Variants in CARM1 observed in about 807,000 individuals in gnomAD.
The protein encoded by CARM1 is coactivator associated arginine methyltransferase 1.
A neutral mutation model predicts 72.7 loss-of-function variants in CARM1; 14 were observed. The ratio of observed to expected loss-of-function variants is 0.19; its 90% CI spans 0.13 to 0.30. The LOEUF (loss-of-function observed/expected upper bound fraction) is 0.30. Ranked by LOEUF, CARM1 falls within the 10% of genes least tolerant of loss-of-function variation. The pLI is 1.00. For missense variants in CARM1, 432 were observed against 833.7 expected, an observed-to-expected ratio of 0.52 and a Z score of 5.93; for synonymous variants, 333 against 345.5, an observed-to-expected ratio of 0.96 and a Z score of 0.40.
At chr19:10,900,722 C>T (rs187061153) in intron 1 of CARM1, among the ~76,000 whole-genome samples, 173 of 152,158 alleles carry the variant, frequency 1.1e-3, no homozygotes, top group African/African-American at 3.5e-3. Flanking sequence ...CTGGCTCTGT[C>T]GCCCAGGCTG....
At chr19:10,874,278 C>CTTTTTATG (rs1334850254) in intron 1 of CARM1, among the ~76,000 whole-genome samples, 1 of 152,152 alleles carries the variant, frequency 6.6e-6, no homozygotes, top group Admixed American at 6.5e-5. Context: ...GGAGAAAGTC[C>CTTTTTATG]ACATTCCTCA....
At chr19:10,875,016 C>A (rs149277915) in intron 1 of CARM1, among the ~76,000 whole-genome samples, 1 of 150,404 alleles carries the variant, frequency 6.6e-6, no homozygotes, top group African/African-American at 2.4e-5. Flanking sequence ...AGAGCAAGAC[C>A]CTGTCTGAAA....
At chr19:10,902,218 G>C (rs2074071237) in intron 1 of CARM1, among the ~76,000 whole-genome samples, 1 of 151,938 alleles carries the variant, frequency 6.6e-6, no homozygotes, top group African/African-American at 2.4e-5. Flanking sequence ...TGCATTCCAG[G>C]CTGGGTGATG....
chr19:10,892,290 A>G (rs1466724746), intron 1 of CARM1, among the ~76,000 whole-genome samples: 2 of 152,192 alleles, frequency 1.3e-5, no homozygotes, highest in African/African-American at 2.4e-5. Flanking sequence ...GAAGTTTTTG[A>G]TCAGTTGCTC....
At chr19:10,876,841 A>C (rs1281994341) in intron 1 of CARM1, among the ~76,000 whole-genome samples, 1 of 152,126 alleles carries the variant, frequency 6.6e-6, no homozygotes, top group Non-Finnish European at 1.5e-5. Context: ...ACAAACTCTC[A>C]CTTCCCCAGC....
chr19:10,912,788 C>T lies in CARM1; in HGVS notation c.669+494C>T, dbSNP rs143326581. Among the ~76,000 whole-genome samples, 4 of 152,190 alleles carry T rather than the reference C, an allele frequency of 2.6e-5. No homozygotes were observed. The highest frequency in any genetic ancestry group is 4.4e-5 in the Non-Finnish European group (3 of 67,992). On this transcript the variant is annotated intron_variant, in intron 5 of 15. Coordinates refer to ENST00000327064, the MANE Select transcript of CARM1 (RefSeq NM_199141.2). The surrounding 1 kb of genome is among the most constrained non-coding windows in gnomAD (Gnocchi z 4.5). Reference sequence around the variant, plus strand: ...AGGGGCCATCTTTGTTCTGTCTTGCCGCCGCAGAGCACCCCTGTGCCCAGC... The same window carrying T: ...AGGGGCCATCTTTGTTCTGTCTTGCTGCCGCAGAGCACCCCTGTGCCCAGC...
At position 10,912,758 on chromosome 19, in the gene CARM1, C is replaced by T. The variant is rs1529711; in HGVS notation, c.669+464C>T. The stretch of plus-strand genomic sequence containing the variant: ...CCCATGGATCTGGGGTCGCCGGGGT[C>T]GTGGAGGGGCCATCTTTGTTCTGTC... On this transcript the variant is annotated intron_variant, in intron 5 of 15. Transcript: ENST00000327064. The surrounding 1 kb of genome is among the most constrained non-coding windows in gnomAD (Gnocchi z 4.5). Among the ~76,000 whole-genome samples, 18,809 of 152,066 alleles carry T rather than the reference C, an allele frequency of 0.12. 1,308 individuals are homozygous for T. The highest frequency in any genetic ancestry group is 0.15 in the Non-Finnish European group (10,369 of 67,952).
Position 10,920,392 on chromosome 19 carries a change from G to T in CARM1, c.1197-44G>T. 6.3e-7 allele frequency: 1 copy of T among 1,585,556 alleles called. No homozygotes were observed. ...GGCATACAAGGTGGTGGCTCCAGTG[G>T]TGGCGCCGGCCCAGTCAAGTATGTG... On this transcript the variant is annotated intron_variant, in intron 10 of 15. Coordinates refer to ENST00000327064, the MANE Select transcript of CARM1 (RefSeq NM_199141.2). This position sits in a 1 kb window ranked among gnomAD's most constrained non-coding sequence, Gnocchi z 5.3.
Position 10,920,877 on chromosome 19 carries a change from A to C in CARM1, c.1468A>C (p.Thr490Pro). The C allele has an allele frequency of 6.2e-7, 1 of 1,614,188 alleles. No individual in the cohort carries two copies. Among genetic ancestry groups the C allele is most frequent in the Middle Eastern group, 1.6e-4 (1 of 6,062 alleles). Residue 490 changes from threonine to proline, a missense_variant, in exon 13 of 16, where the codon ACA (threonine) becomes CCA (proline). Thr to Pro is a conservative substitution (Grantham distance 38). Coordinates refer to ENST00000327064, the MANE Select transcript of CARM1 (RefSeq NM_199141.2). The surrounding 1 kb of genome is among the most constrained non-coding windows in gnomAD (Gnocchi z 5.3). ...TPSPPPGSHY[T>P]SPSENMWNTG... is the part of the protein sequence containing the mutation. ...CTCACCCCCACCCGGCTCCCACTAC[A>C]CATCTCCCTCGGAAAACATGTGGAA...
intron 8 of CARM1, among the ~76,000 whole-genome samples, chr19:10,918,281 C>T (rs577836156): frequency 4.8e-4 from 73 of 152,088 alleles, no homozygotes; most frequent in Non-Finnish European, 8.1e-4. Flanking sequence ...AGTACAGTGG[C>T]TCAATCACTT....
chr19:10,900,982 CTT>C (rs747700729), intron 1 of CARM1, among the ~76,000 whole-genome samples: 1 of 140,030 alleles, frequency 7.1e-6, no homozygotes, highest in African/African-American at 2.6e-5. Flanking sequence ...TGCACCCGGA[CTT>C]TTTTTTTTTT....
intron 1 of CARM1, among the ~76,000 whole-genome samples, chr19:10,893,066 A>T (rs888539944): frequency 2.1e-5 from 3 of 144,182 alleles, no homozygotes; most frequent in African/African-American, 7.8e-5. Context: ...TTTTATTTTT[A>T]TTTTTTTCAG....
At chr19:10,907,251 G>A (rs1012465871) in intron 2 of CARM1, among the ~76,000 whole-genome samples, 1 of 151,542 alleles carries the variant, frequency 6.6e-6, no homozygotes, top group Non-Finnish European at 1.5e-5. Flanking sequence ...TGCCCAGGCT[G>A]GCCTCTTAAA....
At chr19:10,906,384 C>T (rs1006082768) in intron 2 of CARM1, among the ~76,000 whole-genome samples, 1 of 152,242 alleles carries the variant, frequency 6.6e-6, no homozygotes, top group Non-Finnish European at 1.5e-5. Flanking sequence ...AGGTTGGTAG[C>T]AAGCAGCACA....
At position 10,871,691 on chromosome 19, in the gene CARM1, G is replaced by T; in HGVS notation, c.-12G>T. 1.3e-6 allele frequency: 1 copy of T among 789,116 alleles called. No homozygotes were observed. Among genetic ancestry groups the T allele is most frequent in the Non-Finnish European group, 1.5e-6 (1 of 652,764 alleles). 48.9% of individuals were successfully genotyped at this position (789,116 alleles called of 1,614,324 possible). On this transcript the variant is annotated 5_prime_UTR_variant, in exon 1 of 16. Coordinates refer to ENST00000327064, the MANE Select transcript of CARM1 (RefSeq NM_199141.2). The surrounding 1 kb of genome is among the most constrained non-coding windows in gnomAD (Gnocchi z 5.6). ...AGCGGCGGCGGCGGCGGGGCCTGGA[G>T]CCGGATCTAAGATGGCAGCGGCGGC...
Position 10,898,911 on chromosome 19 carries a change from G to T in CARM1, c.221-6040G>T, listed in dbSNP as rs1025243244. Reference sequence around the variant, plus strand: ...AGGCCTGGGGCCTGGCCCATGTAGGGACTAGAGGGTTGAGTGTGTCCATGG... The same window carrying T: ...AGGCCTGGGGCCTGGCCCATGTAGGTACTAGAGGGTTGAGTGTGTCCATGG... On this transcript the variant is annotated intron_variant, in intron 1 of 15. Transcript: ENST00000327064. Among the ~76,000 whole-genome samples, 8 of 152,324 alleles carry T rather than the reference G, an allele frequency of 5.3e-5. No homozygotes were observed. In the South Asian group the frequency reaches 1.4e-3, roughly 28 times the overall value.
At chr19:10,904,674 G>A (rs1323300840) in intron 1 of CARM1, among the ~76,000 whole-genome samples, 1 of 152,336 alleles carries the variant, frequency 6.6e-6, no homozygotes, top group East Asian at 1.9e-4. Flanking sequence ...ATGCCTTGTG[G>A]CCCTGTCTGC....
chr19:10,919,696 C>G lies in CARM1; in HGVS notation c.1106+16C>G, dbSNP rs1439238797. 5 of 1,601,786 alleles carry G rather than the reference C, an allele frequency of 3.1e-6. No individual in the cohort carries two copies. The highest frequency in any genetic ancestry group is 4.3e-6 in the Non-Finnish European group (5 of 1,169,124). On this transcript the variant is annotated intron_variant, in intron 9 of 15. Transcript: ENST00000327064. Reference sequence around the variant, plus strand: ...ATTTGCACAGGTACTGGCACCCACACTCCATCCTCCCAGGCCTGGCTCAGG... The same window carrying G: ...ATTTGCACAGGTACTGGCACCCACAGTCCATCCTCCCAGGCCTGGCTCAGG...
At chr19:10,910,697 C>T (rs1013488762) in intron 4 of CARM1, among the ~76,000 whole-genome samples, 2 of 151,264 alleles carry the variant, frequency 1.3e-5, no homozygotes, top group African/African-American at 4.9e-5. Flanking sequence ...TCCTGAGTAG[C>T]TGGGACTACA....
Sources: gnomAD v4.1 joint callset for allele counts (sites outside exome capture counted in the v4.1 genomes callset) on GRCh38, gnomAD v4.1.1 for gene constraint, Gnocchi (gnomAD v3.1) non-coding constraint, MANE v1.5 for transcripts, NCBI Gene and HGNC (gene_info 2026-07-23, HGNC 2026-07-21) for gene names.